The following ZNF609 variants were observed in gnomAD, a reference collection of about 807,000 sequenced individuals.
The protein encoded by ZNF609 is zinc finger protein 609.
ZNF609 carries 11 observed loss-of-function variants against 109.5 expected under a neutral mutation model. That is an observed-to-expected ratio of 0.10 (90% CI 0.06 to 0.17). ZNF609 has a LOEUF of 0.17. Among genes scored for constraint, ZNF609 ranks in the 10% least tolerant of loss-of-function variants. ZNF609 has a pLI of 1.00. For missense variants in ZNF609, 1,559 were observed against 1,772.4 expected (o/e 0.88, Z 2.16); for synonymous variants, 646 against 662.0 (o/e 0.98, Z 0.37).
At chr15:64,628,905 G>A (rs949534874) in intron 3 of ZNF609, among the ~76,000 whole-genome samples, 3 of 152,052 alleles carry the variant, frequency 2.0e-5, no homozygotes, top group Non-Finnish European at 2.9e-5. Flanking sequence ...GATTACAGGC[G>A]TGAGCCACCA....
At chr15:64,536,676 A>G (rs2140376170) in intron 2 of ZNF609, among the ~76,000 whole-genome samples, 1 of 150,814 alleles carries the variant, frequency 6.6e-6, no homozygotes, top group South Asian at 2.1e-4. Flanking sequence ...AAGGAGTTCG[A>G]GATCAGCCTG....
At chr15:64,665,683 G>A (rs547946665) in intron 3 of ZNF609, among the ~76,000 whole-genome samples, 12 of 152,182 alleles carry the variant, frequency 7.9e-5, no homozygotes, top group Non-Finnish European at 1.3e-4. Context: ...GCCGAGGCAG[G>A]CAGATCACCT....
At position 64,674,515 on chromosome 15, in the gene ZNF609, C is replaced by T; in HGVS notation, c.1661C>T (p.Ser554Leu). ...GGGAGCTGCAACGGTGCATCTGTCTCACAAAAAGGTTCCTTGTCCCCTGCC... is the reference window on the plus strand; with the variant it reads ...GGGAGCTGCAACGGTGCATCTGTCTTACAAAAAGGTTCCTTGTCCCCTGCC... ...DLGSCNGASV[S>L]QKGSLSPARS... Residue 554 changes from serine (S) to leucine (L), a missense_variant, in exon 5 of 10, where the codon TCA becomes TTA. Transcript: ENST00000326648. 1.9e-6 allele frequency: 3 copies of T among 1,614,082 alleles called. No homozygotes were observed. Among genetic ancestry groups the T allele is most frequent in the Non-Finnish European group, 2.5e-6 (3 of 1,180,000 alleles).
chr15:64,672,094 G>A (rs1465821012), intron 4 of ZNF609, among the ~76,000 whole-genome samples: 1 of 142,178 alleles, frequency 7.0e-6, no homozygotes, highest in Non-Finnish European at 1.5e-5. Flanking sequence ...CTCACTGCAA[G>A]CTCCACCTCC....
At chr15:64,558,632 T>C (rs776655657) in intron 2 of ZNF609, among the ~76,000 whole-genome samples, 6 of 152,256 alleles carry the variant, frequency 3.9e-5, no homozygotes, top group African/African-American at 1.4e-4. Flanking sequence ...CCATGTTGTA[T>C]TGTCATAGCC....
chr15:64,520,085 AG>A (rs1476626794), intron 2 of ZNF609, among the ~76,000 whole-genome samples: 4 of 152,158 alleles, frequency 2.6e-5, no homozygotes, highest in Non-Finnish European at 5.9e-5. Flanking sequence ...TCCTCATGGC[AG>A]TATGTTACAG....
intron 2 of ZNF609, among the ~76,000 whole-genome samples, chr15:64,582,177 C>G (rs1372899232): frequency 6.6e-6 from 1 of 152,102 alleles, no homozygotes; most frequent in Non-Finnish European, 1.5e-5. Flanking sequence ...TAAATATAGC[C>G]TTACTCCTTC....
At chr15:64,586,650 C>A (rs1251632601) in intron 2 of ZNF609, among the ~76,000 whole-genome samples, 1 of 151,976 alleles carries the variant, frequency 6.6e-6, no homozygotes, top group Non-Finnish European at 1.5e-5. Flanking sequence ...CCCGTCCCGC[C>A]AACCCCCCTC....
chr15:64,474,778 G>A, intron 1 of ZNF609, among the ~76,000 whole-genome samples: 1 of 152,156 alleles, frequency 6.6e-6, no homozygotes, highest in South Asian at 2.1e-4. Flanking sequence ...TTCTAGAAGA[G>A]TGTGTGCAAA....
intron 1 of ZNF609, among the ~76,000 whole-genome samples, chr15:64,479,363 C>G (rs1297432162): frequency 2.2e-5 from 3 of 138,716 alleles, no homozygotes; most frequent in African/African-American, 8.2e-5. Context: ...GCAATCTCGG[C>G]TCACTGCAAG....
chr15:64,644,995 TTC>T (rs1422197040), intron 3 of ZNF609, among the ~76,000 whole-genome samples: 1 of 150,872 alleles, frequency 6.6e-6, no homozygotes, highest in Non-Finnish European at 1.5e-5. Flanking sequence ...CTTTCTTTCT[TTC>T]TTTCTTTCTT....
At chr15:64,500,209 G>A in intron 2 of ZNF609, 43 bp downstream of exon 2, 3 of 1,599,512 alleles carry the variant, frequency 1.9e-6, no homozygotes, top group Non-Finnish European at 2.6e-6. Context: ...CTGCCAGTCA[G>A]AACTGCCCTG....
Position 64,676,180 on chromosome 15 carries a change from A to G in ZNF609, c.3326A>G (p.Lys1109Arg), listed in dbSNP as rs199972963. ...CTGAGTGATGCCAGCCACCTAAGCAAGGAGGCCTCTGAGGCCAAGACAGGT... is the reference window on the plus strand; with the variant it reads ...CTGAGTGATGCCAGCCACCTAAGCAGGGAGGCCTCTGAGGCCAAGACAGGT... Reference protein sequence around the residue: ...VKLSDASHLSKEASEAKTGAE... With the variant: ...VKLSDASHLSREASEAKTGAE... Residue 1109 changes from lysine (K) to arginine (R), a missense_variant, in exon 5 of 10, where the codon AAG (lysine) becomes AGG (arginine). Transcript: ENST00000326648. 3 of 1,614,226 alleles carry G rather than the reference A, an allele frequency of 1.9e-6. No homozygotes were observed. The East Asian group carries it at 6.7e-5, about 36-fold the overall frequency.
chr15:64,629,858 C>T (rs1412117584), intron 3 of ZNF609, among the ~76,000 whole-genome samples: 1 of 152,102 alleles, frequency 6.6e-6, no homozygotes, highest in Non-Finnish European at 1.5e-5. Flanking sequence ...ATTGTAAGTA[C>T]TCTCCTATAT....
chr15:64,658,760 A>G (rs1447536804), intron 3 of ZNF609, among the ~76,000 whole-genome samples: 1 of 151,300 alleles, frequency 6.6e-6, no homozygotes, highest in African/African-American at 2.4e-5. Context: ...TCATACCACT[A>G]CACTCCAGCC....
intron 2 of ZNF609, among the ~76,000 whole-genome samples, chr15:64,526,421 AC>A (rs1893968469): frequency 6.6e-6 from 1 of 151,452 alleles, no homozygotes; most frequent in African/African-American, 2.4e-5. Flanking sequence ...CTTACTTACA[AC>A]CTCGATGTCT....
chr15:64,652,062 C>G (rs1375280417), intron 3 of ZNF609, among the ~76,000 whole-genome samples: 1 of 152,172 alleles, frequency 6.6e-6, no homozygotes, highest in Non-Finnish European at 1.5e-5. Flanking sequence ...TACTTAGAGA[C>G]CAAGTCTCTC....
chr15:64,489,352 A>AT (rs903690236), intron 1 of ZNF609, among the ~76,000 whole-genome samples: 8 of 148,734 alleles, frequency 5.4e-5, no homozygotes, highest in South Asian at 2.1e-4. Flanking sequence ...CGCCCGGCTA[A>AT]TTTTTTTTTA....
At chr15:64,607,591 G>A (rs1395935212) in intron 2 of ZNF609, among the ~76,000 whole-genome samples, 2 of 141,538 alleles carry the variant, frequency 1.4e-5, no homozygotes, top group South Asian at 2.3e-4. Flanking sequence ...TGCAACCTCC[G>A]CCTCCCAGGT....
Sources: allele counts gnomAD v4.1 joint callset (sites outside exome capture counted in the v4.1 genomes callset), GRCh38; gene constraint gnomAD v4.1.1; transcripts MANE v1.5; gene names NCBI Gene and HGNC (gene_info 2026-07-23, HGNC 2026-07-21).